The following DSTN variants were observed in gnomAD, a reference collection of about 807,000 sequenced individuals.
DSTN encodes destrin.
A neutral mutation model predicts 16.8 loss-of-function variants in DSTN; 10 were observed. The ratio of observed to expected loss-of-function variants is 0.60; its 90% CI spans 0.37 to 1.01. The LOEUF is 1.01. DSTN is among the 50% of genes least tolerant of loss of function. The probability of loss-of-function intolerance (pLI) is 0.01; values close to 1 mark genes in which losing one functional copy is unlikely to be tolerated. For missense variants in DSTN, 141 were observed against 196.7 expected, an observed-to-expected ratio of 0.72 and a Z score of 1.69; for synonymous variants, 57 against 58.9, an observed-to-expected ratio of 0.97 and a Z score of 0.14.
rs1483286495 is a variant in DSTN, at chr20:17,574,880, T to TTTTG, written c.3+4672_3+4673insGTTT. ...CTTTTCTTTTCTTTTGTTTTTTTTT[T>TTTTG]TTTTTTTTTTTTGAGACAGACTCTC... On this transcript the variant is annotated intron_variant, in intron 1 of 3. Transcript: ENST00000246069. Among the ~76,000 whole-genome samples the TTTTG allele has an allele frequency of 3.8e-5, 5 of 132,496 alleles. No homozygotes were observed. The East Asian group carries it at 1.1e-3, about 30-fold the overall frequency. 86.9% of individuals were successfully genotyped at this position (132,496 alleles called of 152,430 possible).
chr20:17,596,571 T>C (rs2035528908), intron 1 of DSTN: 2 of 973,326 alleles, frequency 2.1e-6, no homozygotes, highest in East Asian at 1.1e-4. Flanking sequence ...TTTTTCTGTT[T>C]TTAACCTCAC....
intron 1 of DSTN, among the ~76,000 whole-genome samples, chr20:17,574,865 C>CTTTTCTTTTTTTTTTTTTTTTTTTTT (rs1354147534): frequency 7.8e-5 from 5 of 64,254 alleles, no homozygotes; most frequent in African/African-American, 3.0e-4. Flanking sequence ...CTTTTCTTTT[C>CTTTTCTTTTTTTTTTTTTTTTTTTTT]TTTTGTTTTT....
intron 1 of DSTN, among the ~76,000 whole-genome samples, chr20:17,597,890 T>C (rs1197620154): frequency 2.0e-5 from 3 of 152,200 alleles, no homozygotes; most frequent in Non-Finnish European, 4.4e-5. Flanking sequence ...CTAATCTACC[T>C]ACTGTCTGTT....
chr20:17,580,598 T>A (rs1321139787), intron 1 of DSTN, among the ~76,000 whole-genome samples: 1 of 152,042 alleles, frequency 6.6e-6, no homozygotes, highest in Non-Finnish European at 1.5e-5. Context: ...AATACAAAAA[T>A]TATCCAGGTG....
At chr20:17,589,775 T>G (rs1251258286) in intron 1 of DSTN, among the ~76,000 whole-genome samples, 1 of 152,230 alleles carries the variant, frequency 6.6e-6, no homozygotes, top group Non-Finnish European at 1.5e-5. Context: ...GTAGGTAGAT[T>G]AAGATGCTGA....
At chr20:17,572,138 A>G (rs8184061) in intron 1 of DSTN, among the ~76,000 whole-genome samples, 3 of 152,150 alleles carry the variant, frequency 2.0e-5, no homozygotes, top group African/African-American at 7.2e-5. Flanking sequence ...TTAAATTTTA[A>G]CTACCGATGG....
At chr20:17,601,999 G>T (rs557726961) in intron 2 of DSTN, among the ~76,000 whole-genome samples, 81 of 151,656 alleles carry the variant, frequency 5.3e-4, no homozygotes, top group Middle Eastern at 3.4e-3. Context: ...GTCAGGGCAA[G>T]GCAGGGAGGG....
chr20:17,601,933 T>G (rs920320028), intron 2 of DSTN, among the ~76,000 whole-genome samples: 3 of 128,152 alleles, frequency 2.3e-5, no homozygotes, highest in Admixed American at 7.6e-5. Context: ...ACTACCTGAT[T>G]TTTTTCTTTT....
chr20:17,596,243 G>A (rs559396564), intron 1 of DSTN, among the ~76,000 whole-genome samples: 5 of 151,222 alleles, frequency 3.3e-5, no homozygotes, highest in Admixed American at 2.0e-4. Context: ...TAATTTTTAC[G>A]TACTCAGTGG....
intron 1 of DSTN, among the ~76,000 whole-genome samples, chr20:17,580,052 A>G (rs1444210326): frequency 6.6e-6 from 1 of 152,274 alleles, no homozygotes; most frequent in Non-Finnish European, 1.5e-5. Flanking sequence ...GTTGTAGAGC[A>G]AATGAAAAGA....
At chr20:17,593,288 T>C (rs1338420518) in intron 1 of DSTN, among the ~76,000 whole-genome samples, 1 of 152,228 alleles carries the variant, frequency 6.6e-6, no homozygotes, top group African/African-American at 2.4e-5. Flanking sequence ...GAATAATGTA[T>C]ATTCTACCAA....
intron 3 of DSTN, among the ~76,000 whole-genome samples, chr20:17,606,768 G>A (rs1328500690): frequency 2.6e-5 from 4 of 152,332 alleles, no homozygotes; most frequent in South Asian, 4.1e-4. Context: ...GTAAGTTAGC[G>A]TGGGCTGATT....
At chr20:17,606,525 TTTC>T (rs1485266928) in intron 3 of DSTN, among the ~76,000 whole-genome samples, 3 of 152,180 alleles carry the variant, frequency 2.0e-5, no homozygotes, top group Non-Finnish European at 4.4e-5. Context: ...CCAAGAAAAT[TTTC>T]TTACTAGACC....
In DSTN at chr20:17,586,308, G is replaced by A. The variant is rs117976936; in HGVS notation, c.4-14430G>A. Among the ~76,000 whole-genome samples the A allele has an allele frequency of 1.6e-3, 242 of 152,296 alleles. 4 individuals are homozygous for A. In the East Asian group the frequency reaches 0.025, roughly 16 times the overall value. ...ATTGCTATGGTCTAGAATTGAACTT[G>A]CAGCGTCTCCAAGGTATGCCTGTAT... On this transcript the variant is annotated intron_variant, in intron 1 of 3. Coordinates refer to ENST00000246069, the MANE Select transcript of DSTN (RefSeq NM_006870.4).
intron 1 of DSTN, among the ~76,000 whole-genome samples, chr20:17,597,413 G>T (rs2122199444): frequency 6.6e-6 from 1 of 152,266 alleles, no homozygotes; most frequent in Non-Finnish European, 1.5e-5. Flanking sequence ...TAGGATCTTA[G>T]TGTATCTTTC....
chr20:17,578,714 A>T (rs2035308499), intron 1 of DSTN, among the ~76,000 whole-genome samples: 1 of 152,058 alleles, frequency 6.6e-6, no homozygotes, highest in African/African-American at 2.4e-5. Flanking sequence ...TTATCCCAGC[A>T]CTTCGGGAGG....
intron 1 of DSTN, among the ~76,000 whole-genome samples, chr20:17,582,089 T>C (rs1365251396): frequency 1.3e-5 from 2 of 149,444 alleles, no homozygotes; most frequent in Non-Finnish European, 1.5e-5. Context: ...TTTTTTTTTT[T>C]TTTTTTTGAG....
At chr20:17,595,195 A>C (rs2035513027) in intron 1 of DSTN, among the ~76,000 whole-genome samples, 1 of 152,108 alleles carries the variant, frequency 6.6e-6, no homozygotes, top group Non-Finnish European at 1.5e-5. Flanking sequence ...AGGTCCCCAG[A>C]GCCCTTTTTC....
intron 1 of DSTN, among the ~76,000 whole-genome samples, chr20:17,572,967 A>G (rs2035224335): frequency 6.6e-6 from 1 of 152,200 alleles, no homozygotes; most frequent in Non-Finnish European, 1.5e-5. Flanking sequence ...TGTGTCAAAG[A>G]CATAATATCC....
Sources: allele counts gnomAD v4.1 joint callset (sites outside exome capture counted in the v4.1 genomes callset), GRCh38; gene constraint gnomAD v4.1.1; transcripts MANE v1.5; gene names NCBI Gene and HGNC (gene_info 2026-07-23, HGNC 2026-07-21).